EBPL: variants seen among roughly 807,000 people sequenced by gnomAD.
EBPL encodes emopamil-binding protein-like.
Under a neutral mutation model 19.0 loss-of-function variants are expected in EBPL, and 20 were observed. That is an observed-to-expected ratio of 1.05 (90% confidence interval 0.74 to 1.53). The LOEUF (loss-of-function observed/expected upper bound fraction) is 1.53, where lower values mean the gene tolerates loss of function less well. Among genes scored for constraint, EBPL ranks in the 40% most tolerant of loss-of-function variants. EBPL has a pLI of 0.00. For missense variants in EBPL, 219 were observed against 261.1 expected, an observed-to-expected ratio of 0.84 and a Z score of 1.11; for synonymous variants, 107 against 117.0, an observed-to-expected ratio of 0.91 and a Z score of 0.55.
Position 49,661,065 on chromosome 13 carries a change from A to G in EBPL, c.524T>C (p.Val175Ala). ...TAGCAGTCCTGGGATCAGAACCCAC[A>G]CACCGTTAAAAAAAAACAGGTAAAG... ...CWLYLFFFNG[V>A]WVLIPGLLLW... is the part of the protein sequence containing the mutation. The change falls in exon 4 of 4, where the codon GTG becomes GCG. Residue 175 changes from valine (V) to alanine (A), a missense_variant. Physicochemically the swap from Val to Ala is moderately conservative, Grantham distance 64 (BLOSUM62 0). Coordinates refer to ENST00000242827, the MANE Select transcript of EBPL (RefSeq NM_032565.5). The G allele has an allele frequency of 6.2e-7, 1 of 1,614,138 alleles. No homozygotes were observed. The highest frequency in any genetic ancestry group is 8.5e-7 in the Non-Finnish European group (1 of 1,180,030).
At chr13:49,673,897 C>T (rs978157383) in intron 1 of EBPL, among the ~76,000 whole-genome samples, 1 of 151,006 alleles carries the variant, frequency 6.6e-6, no homozygotes, top group Admixed American at 6.7e-5. Context: ...TGGAACTATT[C>T]AATACCTGGG....
intron 1 of EBPL, among the ~76,000 whole-genome samples, chr13:49,690,042 C>G (rs1340024316): frequency 6.6e-6 from 1 of 151,738 alleles, no homozygotes; most frequent in Admixed American, 6.6e-5. Flanking sequence ...CCCAGCTACT[C>G]GGGAGGCTGA....
chr13:49,677,827 G>A lies in EBPL; in HGVS notation c.172-7981C>T, dbSNP rs962829792. 1.8e-4 allele frequency among the ~76,000 whole-genome samples: 27 copies of A among 152,144 alleles called. 1 individual carries two copies. Among genetic ancestry groups the A allele is most frequent in the South Asian group, 1.0e-3 (5 of 4,826 alleles). ...TTCAAGAATGAAGCCGTGGACCCTCGCGGTGAGTGTTAGTTCTTAAAGATG... is the reference window on the plus strand; with the variant it reads ...TTCAAGAATGAAGCCGTGGACCCTCACGGTGAGTGTTAGTTCTTAAAGATG... On this transcript the variant is annotated intron_variant, in intron 1 of 3. Transcript: ENST00000242827.
At chr13:49,688,818 C>T (rs1322700572) in intron 1 of EBPL, among the ~76,000 whole-genome samples, 1 of 151,566 alleles carries the variant, frequency 6.6e-6, no homozygotes, top group African/African-American at 2.4e-5. Context: ...CTAAGCTCTA[C>T]ATCTTAGTCT....
chr13:49,679,100 T>G (rs1953915089), intron 1 of EBPL, among the ~76,000 whole-genome samples: 1 of 151,720 alleles, frequency 6.6e-6, no homozygotes, highest in Admixed American at 6.6e-5. Context: ...CACTACTTAC[T>G]ATTTGCCAGG....
At chr13:49,686,371 T>C in intron 1 of EBPL, 3 of 1,160,426 alleles carry the variant, frequency 2.6e-6, no homozygotes, top group Non-Finnish European at 3.3e-6. Context: ...TTTCATCTAC[T>C]GCCCAGCTTC....
intron 1 of EBPL, among the ~76,000 whole-genome samples, chr13:49,680,053 C>T (rs758771951): frequency 1.3e-5 from 2 of 152,110 alleles, no homozygotes; most frequent in Non-Finnish European, 2.9e-5. Context: ...GGACCCTAAG[C>T]GGAGGCCCAG....
intron 1 of EBPL, among the ~76,000 whole-genome samples, chr13:49,680,510 G>A (rs9562911): frequency 0.16 from 23,980 of 152,148 alleles, 2,762 homozygotes; most frequent in East Asian, 0.65. Context: ...ATTTGTGAAT[G>A]TTTGAAATTG....
At chr13:49,690,230 C>A (rs1468985827) in intron 1 of EBPL, among the ~76,000 whole-genome samples, 1 of 151,112 alleles carries the variant, frequency 6.6e-6, no homozygotes, top group East Asian at 1.9e-4. Context: ...ATTCACTGTC[C>A]CTTATCTCTA....
chr13:49,669,997 G>A, intron 1 of EBPL, 151 bp from the exon 2 acceptor site: 1 of 645,908 alleles, frequency 1.5e-6, no homozygotes, highest in East Asian at 2.7e-5. Context: ...CAACCTTGTG[G>A]GATACAATCT....
At chr13:49,688,501 C>T (rs1191499979) in intron 1 of EBPL, among the ~76,000 whole-genome samples, 5 of 152,032 alleles carry the variant, frequency 3.3e-5, no homozygotes, top group Admixed American at 6.6e-5. Flanking sequence ...AGGTAGATCA[C>T]GAGGTCAGGA....
chr13:49,671,153 G>A (rs988554951), intron 1 of EBPL, among the ~76,000 whole-genome samples: 1 of 152,036 alleles, frequency 6.6e-6, no homozygotes, highest in African/African-American at 2.4e-5. Context: ...TTCTTTTTCT[G>A]AGATAGTCTC....
At position 49,669,546 on chromosome 13, in the gene EBPL, AC is replaced by A. The variant is rs376639316; in HGVS notation, c.241+230del. 3.4e-3 allele frequency among the ~76,000 whole-genome samples: 518 copies of A among 152,092 alleles called. 2 individuals are homozygous for A. Among genetic ancestry groups the A allele is most frequent in the African/African-American group, 0.012 (498 of 41,468 alleles). ...CAATCTAATTTTAGAACATTTCATT[AC>A]CCCAAAAAGAAATCCGTGCCCATTA... On this transcript the variant is annotated intron_variant, in intron 2 of 3. Transcript: ENST00000242827.
chr13:49,671,522 C>T (rs1306670913), intron 1 of EBPL, among the ~76,000 whole-genome samples: 1 of 152,186 alleles, frequency 6.6e-6, no homozygotes, highest in East Asian at 1.9e-4. Flanking sequence ...ACTCCCCAGT[C>T]CACTTACTTT....
At position 49,669,862 on chromosome 13, in the gene EBPL, T is replaced by G. The variant is rs372474325; in HGVS notation, c.172-16A>C. Reference sequence around the variant, plus strand: ...AAGGGCCTTCCTAGAGAGGAGAAAATGAAGACATGCTCTAATACAGCATCA... The same window carrying G: ...AAGGGCCTTCCTAGAGAGGAGAAAAGGAAGACATGCTCTAATACAGCATCA... On this transcript the variant is annotated splice_polypyrimidine_tract_variant and intron_variant, in intron 1 of 3. Coordinates refer to ENST00000242827, the MANE Select transcript of EBPL (RefSeq NM_032565.5). 6.9e-6 allele frequency: 11 copies of G among 1,602,572 alleles called. No individual in the cohort carries two copies. The African/African-American group carries it at 1.5e-4, about 21-fold the overall frequency.
intron 2 of EBPL, among the ~76,000 whole-genome samples, chr13:49,666,384 C>CTA (rs1471296531): frequency 6.6e-6 from 1 of 152,118 alleles, no homozygotes; most frequent in East Asian, 1.9e-4. Context: ...TCTGAGGCCC[C>CTA]CCTGGATCTT....
chr13:49,691,374 C>T lies in EBPL; in HGVS notation c.51G>A (p.Leu17=), dbSNP rs369396889. 4.1e-5 allele frequency: 56 copies of T among 1,363,412 alleles called. No homozygotes were observed. In the African/African-American group the frequency reaches 7.6e-4, roughly 18 times the overall value. The allele number at this position is 1,363,412 out of a possible 1,614,324, so 84.5% of individuals were successfully genotyped here. ...AGCCCGCCGCCAGCAGCGCGGCGCA[C>T]AGCAGCAGCGAACCGCCAGCCTCGG... is the stretch of plus-strand genomic sequence containing the variant. ...LGAEAGGSLL[L]CAALLAAGCA... The change falls in exon 1 of 4, where the codon CTG becomes CTA. Residue 17 remains leucine, a synonymous_variant. Coordinates refer to ENST00000242827, the MANE Select transcript of EBPL (RefSeq NM_032565.5).
intron 3 of EBPL, chr13:49,661,726 GA>G: frequency 6.9e-7 from 1 of 1,453,032 alleles, no homozygotes. Context: ...CAGCGTCATG[GA>G]GTGAAAAATA....
At chr13:49,686,252 G>A (rs929030457) in intron 1 of EBPL, among the ~76,000 whole-genome samples, 5 of 152,086 alleles carry the variant, frequency 3.3e-5, no homozygotes, top group African/African-American at 4.8e-5. Context: ...CCATCCTCTC[G>A]CCCAGACCTT....
Sources: allele counts gnomAD v4.1 joint callset (sites outside exome capture counted in the v4.1 genomes callset), GRCh38; gene constraint gnomAD v4.1.1; transcripts MANE v1.5; gene names NCBI Gene and HGNC (gene_info 2026-07-23, HGNC 2026-07-21).